Variants in N4BP1 observed in about 807,000 individuals in gnomAD.
N4BP1 encodes the protein NEDD4-binding protein 1.
A neutral mutation model predicts 70.9 loss-of-function variants in N4BP1; 21 were observed. That is an observed-to-expected ratio of 0.30 (90% confidence interval 0.21 to 0.43). The LOEUF (loss-of-function observed/expected upper bound fraction) is 0.43. Among genes scored for constraint, N4BP1 ranks in the 20% least tolerant of loss-of-function variants. The pLI is 1.00. For missense variants in N4BP1, 936 were observed against 1,069.4 expected, an observed-to-expected ratio of 0.88 and a Z score of 1.74; for synonymous variants, 387 against 394.6, an observed-to-expected ratio of 0.98 and a Z score of 0.23.
intron 3 of N4BP1, among the ~76,000 whole-genome samples, chr16:48,553,287 G>A (rs887352872): frequency 2.6e-5 from 4 of 152,148 alleles, no homozygotes; most frequent in African/African-American, 7.2e-5. Flanking sequence ...AAAAGAAAAC[G>A]TGATATATAA....
intron 1 of N4BP1, among the ~76,000 whole-genome samples, chr16:48,574,264 A>G (rs1879701624): frequency 1.3e-5 from 2 of 152,206 alleles, no homozygotes; most frequent in African/African-American, 2.4e-5. Context: ...AAAAATTTTC[A>G]AGTGGATGCA....
At chr16:48,574,546 A>C (rs996195555) in intron 1 of N4BP1, among the ~76,000 whole-genome samples, 5 of 152,238 alleles carry the variant, frequency 3.3e-5, no homozygotes, top group Non-Finnish European at 7.3e-5. Flanking sequence ...ATAAAACGTA[A>C]AATTAAACTG....
chr16:48,598,375 A>T (rs1964450204), intron 1 of N4BP1, among the ~76,000 whole-genome samples: 1 of 152,190 alleles, frequency 6.6e-6, no homozygotes, highest in African/African-American at 2.4e-5. Flanking sequence ...GGCAGGGAGG[A>T]GAGTCAAAGG....
chr16:48,546,381 T>G, intron 5 of N4BP1, 127 bp from the exon 6 acceptor site: 1 of 529,440 alleles, frequency 1.9e-6, no homozygotes. Context: ...CTAAGACTGC[T>G]CAACTGCCTA....
rs142788931 is a variant in N4BP1 at position 48,572,073 on chromosome 16, G to A, written c.199-9629C>T. 1.2e-3 allele frequency among the ~76,000 whole-genome samples: 178 copies of A among 152,184 alleles called. 1 individual carries two copies. Among genetic ancestry groups the A allele is most frequent in the Non-Finnish European group, 2.0e-3 (138 of 68,014 alleles). On this transcript the variant is annotated intron_variant, in intron 1 of 6. Coordinates refer to ENST00000262384, the MANE Select transcript of N4BP1 (RefSeq NM_153029.4). ...AAATTAGCCAGGCATGGTGGCATGTGCCTGTAGTCCCAGCCACCCGGAGAC... is the reference window on the plus strand; with the variant it reads ...AAATTAGCCAGGCATGGTGGCATGTACCTGTAGTCCCAGCCACCCGGAGAC...
intron 1 of N4BP1, among the ~76,000 whole-genome samples, chr16:48,591,956 G>C (rs1333007748): frequency 6.6e-6 from 1 of 151,138 alleles, no homozygotes; most frequent in African/African-American, 2.4e-5. Flanking sequence ...GTTAGCCTTG[G>C]TGTGCAAAAA....
chr16:48,545,449 G>A (rs1423021902), intron 6 of N4BP1, among the ~76,000 whole-genome samples: 1 of 144,520 alleles, frequency 6.9e-6, no homozygotes, highest in African/African-American at 2.5e-5. Flanking sequence ...ATGGTGGCGT[G>A]CACCTGTAAT....
chr16:48,585,898 G>A lies in N4BP1; in HGVS notation c.199-23454C>T, dbSNP rs185834515. ...TTTAGTAGAGATGAGGTTTCATCAC[G>A]TTGGCCAGGCTGGTCTCCAACTCCT... On this transcript the variant is annotated intron_variant, in intron 1 of 6. Coordinates refer to ENST00000262384, the MANE Select transcript of N4BP1 (RefSeq NM_153029.4). 2.6e-3 allele frequency among the ~76,000 whole-genome samples: 397 copies of A among 152,092 alleles called. 1 individual carries two copies. The highest frequency in any genetic ancestry group is 4.5e-3 in the Non-Finnish European group (303 of 67,978).
rs980857829 is a variant in N4BP1, at chr16:48,583,087, A to G, written c.199-20643T>C. ...GGCGACAGAGTGAGGCCCTGTCTCA[A>G]TAAATAAATAAATAAATAAAATAAT... On this transcript the variant is annotated intron_variant, in intron 1 of 6. Coordinates refer to ENST00000262384, the MANE Select transcript of N4BP1 (RefSeq NM_153029.4). 9.9e-5 allele frequency among the ~76,000 whole-genome samples: 15 copies of G among 152,254 alleles called. No homozygotes were observed. The South Asian group carries it at 1.9e-3, about 19-fold the overall frequency.
At chr16:48,580,104 G>A (rs1332105984) in intron 1 of N4BP1, among the ~76,000 whole-genome samples, 1 of 151,664 alleles carries the variant, frequency 6.6e-6, no homozygotes, top group Non-Finnish European at 1.5e-5. Flanking sequence ...ATAAATGAAA[G>A]ATTAGAGCAG....
In N4BP1 at chr16:48,548,189, A is replaced by G. The variant is rs192351951; in HGVS notation, c.2118-75T>C. Reference sequence around the variant, plus strand: ...AGAGAAGCCATGTTATAAGAAGAGAATATTTCCTCTTCATAGGAAAACCAT... The same window carrying G: ...AGAGAAGCCATGTTATAAGAAGAGAGTATTTCCTCTTCATAGGAAAACCAT... On this transcript the variant is annotated intron_variant, in intron 4 of 6. Coordinates refer to ENST00000262384, the MANE Select transcript of N4BP1 (RefSeq NM_153029.4). 1.4e-3 allele frequency: 1,205 copies of G among 851,020 alleles called. 2 individuals are homozygous for G. The highest frequency in any genetic ancestry group is 1.9e-3 in the Non-Finnish European group (978 of 511,262). 52.7% of individuals were successfully genotyped at this position (851,020 alleles called of 1,614,324 possible).
At position 48,571,559 on chromosome 16, in the gene N4BP1, T is replaced by C. The variant is rs1187121510; in HGVS notation, c.199-9115A>G. 2.0e-5 allele frequency among the ~76,000 whole-genome samples: 3 copies of C among 152,054 alleles called. No homozygotes were observed. In the East Asian group the frequency reaches 5.8e-4, roughly 29 times the overall value. ...ACAAAAGAAAACCTTCACAAAATTT[T>C]AGTAAGTGGTTTCAAACAGATATAA... On this transcript the variant is annotated intron_variant, in intron 1 of 6. Transcript: ENST00000262384.
chr16:48,545,984 C>G (rs1043085371), intron 6 of N4BP1, 163 bp downstream of exon 6: 63 of 489,664 alleles, frequency 1.3e-4, no homozygotes, highest in Non-Finnish European at 1.8e-4. Flanking sequence ...GCCGAAATCA[C>G]GCCACTGCAT....
chr16:48,596,028 G>C (rs555012062), intron 1 of N4BP1, among the ~76,000 whole-genome samples: 1 of 152,276 alleles, frequency 6.6e-6, no homozygotes, highest in African/African-American at 2.4e-5. Flanking sequence ...GCCTACGTGA[G>C]AAATAATTAT....
In N4BP1 at chr16:48,547,941, A is replaced by G. The variant is rs945518606; in HGVS notation, c.2225+66T>C. 6 of 1,067,618 alleles carry G rather than the reference A, an allele frequency of 5.6e-6. No individual in the cohort carries two copies. In the African/African-American group the frequency reaches 7.9e-5, roughly 14 times the overall value. The allele number at this position is 1,067,618 out of a possible 1,614,324, so 66.1% of individuals were successfully genotyped here. A position where few individuals can be genotyped will look rare whatever the true frequency, so the allele number is the denominator to read the frequency against. On this transcript the variant is annotated intron_variant, in intron 5 of 6. Transcript: ENST00000262384. ...GAATATAGAAAACAAAACGAACAAA[A>G]TGCACACAGAAACAAACAATTAAAA... is the stretch of plus-strand genomic sequence containing the variant.
intron 1 of N4BP1, among the ~76,000 whole-genome samples, chr16:48,584,308 T>C (rs556218260): frequency 3.3e-5 from 5 of 152,368 alleles, no homozygotes; most frequent in South Asian, 4.1e-4. Flanking sequence ...GAAAGAACTG[T>C]CTTTTTGAAA....
chr16:48,560,906 C>T lies in N4BP1; in HGVS notation c.1737G>A (p.Ser579=), dbSNP rs779729484. Residue 579 remains serine, a synonymous_variant, in exon 2 of 7, where the codon TCG becomes TCA. Transcript: ENST00000262384. ...QLLPSVTDAR[S]AGPSDHIDSS... Reference sequence around the variant, plus strand: ...AATCAATATGATCAGAAGGTCCTGCCGACCTTGCATCAGTAACCGAAGGTA... The same window carrying T: ...AATCAATATGATCAGAAGGTCCTGCTGACCTTGCATCAGTAACCGAAGGTA... 3.1e-6 allele frequency: 5 copies of T among 1,613,934 alleles called. No homozygotes were observed. The highest frequency in any genetic ancestry group is 1.1e-5 in the South Asian group (1 of 91,080).
At chr16:48,579,602 A>G (rs1964147734) in intron 1 of N4BP1, among the ~76,000 whole-genome samples, 1 of 152,086 alleles carries the variant, frequency 6.6e-6, no homozygotes, top group African/African-American at 2.4e-5. Flanking sequence ...GCTCTGTAAG[A>G]TATTAGCCAA....
In N4BP1 at chr16:48,561,529, C is replaced by T; in HGVS notation, c.1114G>A (p.Gly372Arg). The change falls in exon 2 of 7, where the codon GGA (glycine) becomes AGA (arginine). Residue 372 changes from glycine to arginine, a missense_variant. Physicochemically the swap from Gly to Arg is moderately radical, Grantham distance 125. Transcript: ENST00000262384. ...AGCAATAATGGTTCAGTAGATGGTC[C>T]ATACACCTTAATGACCTTTTCAACA... ...EIVEKVIKVY[G>R]PSTEPLLLLE... The T allele has an allele frequency of 6.2e-7, 1 of 1,613,742 alleles. No individual in the cohort carries two copies. Among genetic ancestry groups the T allele is most frequent in the Non-Finnish European group, 8.5e-7 (1 of 1,179,816 alleles).
Sources: gnomAD v4.1 joint callset for allele counts (sites outside exome capture counted in the v4.1 genomes callset) on GRCh38, gnomAD v4.1.1 for gene constraint, MANE v1.5 for transcripts, NCBI Gene and HGNC (gene_info 2026-07-23, HGNC 2026-07-21) for gene names.